Variants in ANKRD31 observed in about 807,000 individuals in gnomAD.
ANKRD31 encodes ankyrin repeat domain 31, also known as ankyrin repeat domain-containing protein 31.
A neutral mutation model predicts 186.0 loss-of-function variants in ANKRD31; 147 were observed. The ratio of observed to expected loss-of-function variants is 0.79; its 90% CI spans 0.69 to 0.91. The LOEUF (loss-of-function observed/expected upper bound fraction) is 0.91. Among genes scored for constraint, ANKRD31 ranks in the 40% least tolerant of loss-of-function variants. The pLI is 0.00. For synonymous variants in ANKRD31, 673 were observed against 736.4 expected, an observed-to-expected ratio of 0.91 and a Z score of 1.39; for missense variants, 1,986 against 2,148.8, an observed-to-expected ratio of 0.92 and a Z score of 1.50.
In ANKRD31 at chr5:75,214,891, C is replaced by T. The variant is rs139910928; in HGVS notation, c.289-4026G>A. ...CTGACTATGAGACCAGTGATGCCCA[C>T]TGTATTAGTCAGGATCCTCCAGAGA... On this transcript the variant is annotated intron_variant, in intron 3 of 25. Transcript: ENST00000506364. Among the ~76,000 whole-genome samples the T allele has an allele frequency of 1.3e-4, 20 of 152,294 alleles. No individual in the cohort carries two copies. In the East Asian group the frequency reaches 3.9e-3, roughly 29 times the overall value.
At chr5:75,176,961 T>C (rs181756998) in intron 10 of ANKRD31, among the ~76,000 whole-genome samples, 12 of 151,920 alleles carry the variant, frequency 7.9e-5, no homozygotes, top group South Asian at 2.1e-4. Flanking sequence ...TGCAAACCAA[T>C]GGCAAAGAAG....
intron 15 of ANKRD31, among the ~76,000 whole-genome samples, chr5:75,142,167 T>C (rs577008924): frequency 3.0e-4 from 45 of 152,274 alleles, no homozygotes; most frequent in South Asian, 1.0e-3. Flanking sequence ...CTTCTCTTTA[T>C]TCCTGTTCTA....
Position 75,068,486 on chromosome 5 carries a change from A to G in ANKRD31, c.*33T>C. On this transcript the variant is annotated 3_prime_UTR_variant, in exon 26 of 26. Coordinates refer to ENST00000506364, the MANE Select transcript of ANKRD31 (RefSeq NM_001372053.1). Reference sequence around the variant, plus strand: ...ATAAATGTTTGTTGGTAATTTGAACAAATATCCAATAAAATATTAAGAAAC... The same window carrying G: ...ATAAATGTTTGTTGGTAATTTGAACGAATATCCAATAAAATATTAAGAAAC... 1.4e-6 allele frequency: 2 copies of G among 1,442,668 alleles called. No individual in the cohort carries two copies. 89.4% of individuals were successfully genotyped at this position (1,442,668 alleles called of 1,614,324 possible).
chr5:75,106,900 T>C (rs1454411139), intron 21 of ANKRD31, among the ~76,000 whole-genome samples: 2 of 151,954 alleles, frequency 1.3e-5, no homozygotes, highest in Non-Finnish European at 2.9e-5. Flanking sequence ...AGACATTAAA[T>C]GATTATAGGA....
chr5:75,160,651 GC>G (rs1752511130), intron 11 of ANKRD31, among the ~76,000 whole-genome samples: 1 of 152,104 alleles, frequency 6.6e-6, no homozygotes, highest in African/African-American at 2.4e-5. Flanking sequence ...CATGCAAATG[GC>G]AAAAGAGACC....
At chr5:75,154,565 A>C (rs1752039541) in intron 11 of ANKRD31, among the ~76,000 whole-genome samples, 1 of 152,128 alleles carries the variant, frequency 6.6e-6, no homozygotes, top group African/African-American at 2.4e-5. Flanking sequence ...GACTAAAGGA[A>C]GAATGAAAGG....
rs568460441 is a variant in ANKRD31 at position 75,086,455 on chromosome 5, C to G, written c.5473-2081G>C. Among the ~76,000 whole-genome samples the G allele has an allele frequency of 1.1e-3, 173 of 152,320 alleles. 2 individuals are homozygous for G. Among genetic ancestry groups the G allele is most frequent in the African/African-American group, 4.1e-3 (169 of 41,578 alleles). Reference sequence around the variant, plus strand: ...ATTACATTTGTGTATGACTCAAACTCTGAATCCTGAACTAAATTTCTCTGG... The same window carrying G: ...ATTACATTTGTGTATGACTCAAACTGTGAATCCTGAACTAAATTTCTCTGG... On this transcript the variant is annotated intron_variant, in intron 23 of 25. Coordinates refer to ENST00000506364, the MANE Select transcript of ANKRD31 (RefSeq NM_001372053.1).
intron 17 of ANKRD31, among the ~76,000 whole-genome samples, chr5:75,132,276 A>T (rs561231739): frequency 1.3e-5 from 2 of 152,324 alleles, no homozygotes; most frequent in African/African-American, 4.8e-5. Flanking sequence ...TTGAAAGAAG[A>T]TTAGACGAAT....
intron 22 of ANKRD31, among the ~76,000 whole-genome samples, chr5:75,103,289 C>T (rs1281897629): frequency 6.6e-6 from 1 of 152,090 alleles, no homozygotes; most frequent in Non-Finnish European, 1.5e-5. Context: ...CAAATCAAAA[C>T]CACAATGAGA....
At chr5:75,085,415 C>T (rs1288343950) in intron 23 of ANKRD31, among the ~76,000 whole-genome samples, 1 of 151,584 alleles carries the variant, frequency 6.6e-6, no homozygotes, top group East Asian at 1.9e-4. Flanking sequence ...GTCACCCAGG[C>T]TGGAGCAGCA....
chr5:75,221,475 TAAG>T (rs1757296751), intron 3 of ANKRD31, among the ~76,000 whole-genome samples: 1 of 152,204 alleles, frequency 6.6e-6, no homozygotes, highest in Admixed American at 6.5e-5. Flanking sequence ...TTCACAAGTT[TAAG>T]AAGAATCCCT....
chr5:75,190,935 T>C (rs1200834777), intron 9 of ANKRD31, among the ~76,000 whole-genome samples: 1 of 152,088 alleles, frequency 6.6e-6, no homozygotes, highest in Non-Finnish European at 1.5e-5. Context: ...AGCTATTTGA[T>C]ATTTGATTCT....
intron 11 of ANKRD31, among the ~76,000 whole-genome samples, chr5:75,160,159 T>G (rs1053823457): frequency 2.0e-5 from 3 of 152,060 alleles, no homozygotes; most frequent in African/African-American, 7.2e-5. Flanking sequence ...TATATTGTAT[T>G]TATAAAATAT....
At chr5:75,232,661 C>T (rs142474377) in intron 1 of ANKRD31, among the ~76,000 whole-genome samples, 34 of 151,948 alleles carry the variant, frequency 2.2e-4, no homozygotes, top group African/African-American at 8.0e-4. Flanking sequence ...ATAGTAGTTA[C>T]ACAATTATGT....
intron 17 of ANKRD31, among the ~76,000 whole-genome samples, chr5:75,130,050 C>A (rs1461933881): frequency 6.6e-6 from 1 of 152,112 alleles, no homozygotes; most frequent in South Asian, 2.1e-4. Context: ...TTAAAGATGG[C>A]GTGTCCAGAG....
intron 19 of ANKRD31, among the ~76,000 whole-genome samples, chr5:75,113,748 G>A (rs1034168224): frequency 6.6e-6 from 1 of 152,090 alleles, no homozygotes; most frequent in African/African-American, 2.4e-5. Flanking sequence ...TCTTACTGCT[G>A]TCATTTATTA....
chr5:75,134,498 G>A (rs113084883), intron 17 of ANKRD31, among the ~76,000 whole-genome samples: 6,254 of 152,118 alleles, frequency 0.041, 180 homozygotes, highest in Non-Finnish European at 0.06. Flanking sequence ...CCAATAACAG[G>A]CTCTGAAATT....
intron 6 of ANKRD31, among the ~76,000 whole-genome samples, chr5:75,198,789 C>T (rs533435144): frequency 1.3e-5 from 2 of 152,142 alleles, no homozygotes; most frequent in African/African-American, 2.4e-5. Flanking sequence ...CAACTAGGTG[C>T]CAGACATCAT....
At position 75,236,864 on chromosome 5, in the gene ANKRD31, G is replaced by A. The variant is rs554061628; in HGVS notation, c.-178C>T. The A allele has an allele frequency of 2.3e-4, 113 of 502,164 alleles. No individual in the cohort carries two copies. Among genetic ancestry groups the A allele is most frequent in the African/African-American group, 2.0e-3 (98 of 48,828 alleles). 31.1% of individuals were successfully genotyped at this position (502,164 alleles called of 1,614,324 possible). A position where few individuals can be genotyped will look rare whatever the true frequency, so the allele number is the denominator to read the frequency against. On this transcript the variant is annotated 5_prime_UTR_variant, in exon 1 of 26. Transcript: ENST00000506364. ...GAGGACGCAGGCGGCCGCGAGCGCGGCGGGGTAGCAGTCTGCGAGGCGGCC... is the reference window on the plus strand; with the variant it reads ...GAGGACGCAGGCGGCCGCGAGCGCGACGGGGTAGCAGTCTGCGAGGCGGCC...
Sources: allele counts gnomAD v4.1 joint callset (sites outside exome capture counted in the v4.1 genomes callset), GRCh38; gene constraint gnomAD v4.1.1; transcripts MANE v1.5; gene names NCBI Gene and HGNC (gene_info 2026-07-23, HGNC 2026-07-21).